MUSK: variants seen among roughly 807,000 people sequenced by gnomAD.
MUSK encodes the protein muscle, skeletal receptor tyrosine-protein kinase.
Under a neutral mutation model 88.7 loss-of-function variants are expected in MUSK, and 55 were observed. The observed-to-expected ratio is 0.62, with a 90% CI of 0.50 to 0.78. The LOEUF (loss-of-function observed/expected upper bound fraction) is 0.78. MUSK is among the 30% of genes least tolerant of loss of function. The pLI is 0.00. For missense variants in MUSK, 1,015 were observed against 1,074.3 expected (o/e 0.94, Z 0.77); for synonymous variants, 387 against 391.9 (o/e 0.99, Z 0.15).
At chr9:110,671,496 T>G (rs937162165) in intron 1 of MUSK, among the ~76,000 whole-genome samples, 1 of 152,228 alleles carries the variant, frequency 6.6e-6, no homozygotes, top group African/African-American at 2.4e-5. Context: ...AGTGGATTAT[T>G]TTCTGACTTT....
chr9:110,785,791 G>A, intron 13 of MUSK, 73 bp downstream of exon 13: 2 of 1,025,088 alleles, frequency 2.0e-6, no homozygotes, highest in East Asian at 2.8e-5. Context: ...CTATTAGCTT[G>A]GTATATATAT....
chr9:110,788,770 G>A (rs2077921720), intron 14 of MUSK, among the ~76,000 whole-genome samples: 1 of 152,064 alleles, frequency 6.6e-6, no homozygotes, highest in South Asian at 2.1e-4. Context: ...TGTTAAAGCA[G>A]AGAAGTTGGA....
At chr9:110,753,721 C>T (rs1353450366) in intron 7 of MUSK, among the ~76,000 whole-genome samples, 1 of 152,084 alleles carries the variant, frequency 6.6e-6, no homozygotes, top group Non-Finnish European at 1.5e-5. Flanking sequence ...TTAAAAGTCA[C>T]ATGAATACAA....
chr9:110,696,770 A>G (rs2076434844), intron 4 of MUSK, among the ~76,000 whole-genome samples: 1 of 152,086 alleles, frequency 6.6e-6, no homozygotes, highest in Admixed American at 6.5e-5. Flanking sequence ...TGCAAGGTAA[A>G]CCTGATAGTT....
At chr9:110,694,339 T>TCG (rs2076399642) in intron 3 of MUSK, among the ~76,000 whole-genome samples, 1 of 131,744 alleles carries the variant, frequency 7.6e-6, no homozygotes, top group Middle Eastern at 4.9e-3. Flanking sequence ...TGGGCCGAGA[T>TCG]CGCGCCACTG....
intron 1 of MUSK, among the ~76,000 whole-genome samples, chr9:110,678,711 A>C (rs1294203992): frequency 6.6e-6 from 1 of 152,108 alleles, no homozygotes; most frequent in Non-Finnish European, 1.5e-5. Context: ...AATGTGACAT[A>C]TAATCTGTTT....
At position 110,801,851 on chromosome 9, in the gene MUSK, C is replaced by T. The variant is rs1449820041; in HGVS notation, c.*863C>T. On this transcript the variant is annotated 3_prime_UTR_variant, in exon 15 of 15. Transcript: ENST00000374448. ...TTTTTAGTTATTAAGCTATTTTTTT[C>T]TTTTATTTCATTCATGTAATAAACA... Among the ~76,000 whole-genome samples, 2 of 151,780 alleles carry T rather than the reference C, an allele frequency of 1.3e-5. No individual in the cohort carries two copies. Among genetic ancestry groups the T allele is most frequent in the East Asian group, 3.8e-4 (2 of 5,196 alleles).
At chr9:110,776,973 ATTC>A (rs2077681887) in intron 11 of MUSK, among the ~76,000 whole-genome samples, 1 of 152,164 alleles carries the variant, frequency 6.6e-6, no homozygotes, top group Admixed American at 6.5e-5. Flanking sequence ...TTGATTTTAT[ATTC>A]TTGATTCAGT....
At chr9:110,741,937 G>A (rs1462204257) in intron 6 of MUSK, among the ~76,000 whole-genome samples, 1 of 152,162 alleles carries the variant, frequency 6.6e-6, no homozygotes, top group Non-Finnish European at 1.5e-5. Flanking sequence ...TCAGGTGGCT[G>A]TCAAAGATGA....
chr9:110,759,470 A>C (rs1302525703), intron 7 of MUSK, among the ~76,000 whole-genome samples: 4 of 152,220 alleles, frequency 2.6e-5, no homozygotes, highest in Admixed American at 6.5e-5. Context: ...AAATCTGACA[A>C]ATGGAACTTA....
At chr9:110,736,353 T>A (rs539175265) in intron 6 of MUSK, among the ~76,000 whole-genome samples, 1 of 152,250 alleles carries the variant, frequency 6.6e-6, no homozygotes, top group East Asian at 1.9e-4. Context: ...TTTAAAAGAA[T>A]GATCAGTGAA....
chr9:110,748,008 AC>A (rs1339197281), intron 7 of MUSK: 1 of 709,674 alleles, frequency 1.4e-6, no homozygotes, highest in African/African-American at 1.7e-5. Flanking sequence ...AATCCTCAAT[AC>A]CTACCCAAGT....
At chr9:110,704,828 A>G (rs1019659610) in intron 5 of MUSK, among the ~76,000 whole-genome samples, 1 of 152,002 alleles carries the variant, frequency 6.6e-6, no homozygotes, top group Non-Finnish European at 1.5e-5. Flanking sequence ...TACTAAAAAT[A>G]CAAAAAATTA....
chr9:110,688,402 C>T (rs966450557), intron 3 of MUSK, among the ~76,000 whole-genome samples: 8 of 151,996 alleles, frequency 5.3e-5, no homozygotes, highest in Non-Finnish European at 1.0e-4. Context: ...TATGTACACA[C>T]GTATGTAGTC....
intron 5 of MUSK, among the ~76,000 whole-genome samples, chr9:110,717,074 T>C (rs552764059): frequency 6.7e-6 from 1 of 150,054 alleles, no homozygotes; most frequent in Non-Finnish European, 1.5e-5. Context: ...CAAAAGACTT[T>C]ATTTTTAGTA....
intron 5 of MUSK, among the ~76,000 whole-genome samples, chr9:110,709,732 A>G (rs2076644305): frequency 6.6e-6 from 1 of 152,192 alleles, no homozygotes; most frequent in Non-Finnish European, 1.5e-5. Flanking sequence ...GCAAAAACTA[A>G]ATTTTTATTT....
At chr9:110,755,279 GA>G (rs1405314124) in intron 7 of MUSK, among the ~76,000 whole-genome samples, 2 of 152,112 alleles carry the variant, frequency 1.3e-5, no homozygotes, top group African/African-American at 2.4e-5. Flanking sequence ...TTAGGGGAGG[GA>G]TAAAATTTTA....
intron 9 of MUSK, among the ~76,000 whole-genome samples, chr9:110,771,265 T>A (rs2077571544): frequency 6.6e-6 from 1 of 150,952 alleles, no homozygotes; most frequent in Non-Finnish European, 1.5e-5. Context: ...TATTTTTGTA[T>A]TTTTAGTAGA....
In MUSK at chr9:110,801,167, C is replaced by T; in HGVS notation, c.*179C>T. The T allele has an allele frequency of 2.1e-6, 1 of 477,326 alleles. No individual in the cohort carries two copies. Among genetic ancestry groups the T allele is most frequent in the Admixed American group, 3.8e-5 (1 of 26,658 alleles). The allele number at this position is 477,326 out of a possible 1,614,324, so 29.6% of individuals were successfully genotyped here. A position where few individuals can be genotyped will look rare whatever the true frequency, so the allele number is the denominator to read the frequency against. The stretch of plus-strand genomic sequence containing the variant: ...TGCAAAACCCATGTGGTAGACGGAC[C>T]CATTGAAAGCCAGTGATTGGAAACA... On this transcript the variant is annotated 3_prime_UTR_variant, in exon 15 of 15. Coordinates refer to ENST00000374448, the MANE Select transcript of MUSK (RefSeq NM_005592.4).
Sources: allele counts gnomAD v4.1 joint callset (sites outside exome capture counted in the v4.1 genomes callset), GRCh38; gene constraint gnomAD v4.1.1; transcripts MANE v1.5; gene names NCBI Gene and HGNC (gene_info 2026-07-23, HGNC 2026-07-21).